Variants in DLG2 observed in about 807,000 individuals in gnomAD.
DLG2 encodes discs large MAGUK scaffold protein 2, also known as disks large homolog 2.
A neutral mutation model predicts 132.5 loss-of-function variants in DLG2; 45 were observed. The observed-to-expected ratio is 0.34, with a 90% confidence interval of 0.27 to 0.44. DLG2 has a LOEUF of 0.44. DLG2 is among the 20% of genes least tolerant of loss of function. The pLI is 1.00. For synonymous variants in DLG2, 424 were observed against 419.6 expected (o/e 1.01, Z -0.13); for missense variants, 1,045 against 1,196.9 (o/e 0.87, Z 1.87).
chr11:84,420,764 G>A (rs767538461), intron 7 of DLG2, among the ~76,000 whole-genome samples: 2 of 136,286 alleles, frequency 1.5e-5, no homozygotes, highest in South Asian at 4.9e-4. Context: ...CGCCTCCCGG[G>A]TTCACGCCAT....
At chr11:85,074,023 C>G (rs2066202718) in intron 6 of DLG2, among the ~76,000 whole-genome samples, 12 of 151,770 alleles carry the variant, frequency 7.9e-5, no homozygotes, top group Admixed American at 7.9e-4. Flanking sequence ...CAGGTTCTCA[C>G]AAGTGGGAGC....
At chr11:85,372,784 C>T (rs1189182321) in intron 3 of DLG2, among the ~76,000 whole-genome samples, 2 of 152,116 alleles carry the variant, frequency 1.3e-5, no homozygotes, top group Non-Finnish European at 2.9e-5. Flanking sequence ...GTTGCCAGAA[C>T]TCAGGAATAC....
chr11:84,007,995 C>T (rs187350059), intron 11 of DLG2, among the ~76,000 whole-genome samples: 158 of 151,832 alleles, frequency 1.0e-3, no homozygotes, highest in Non-Finnish European at 1.8e-3. Flanking sequence ...ACATCATACA[C>T]TTTAAACCAT....
At chr11:84,341,389 A>C (rs1180282511) in intron 7 of DLG2, among the ~76,000 whole-genome samples, 1 of 152,180 alleles carries the variant, frequency 6.6e-6, no homozygotes, top group Non-Finnish European at 1.5e-5. Context: ...AAGGTAATAG[A>C]CTGAAATAAA....
At chr11:84,096,708 C>A (rs895114856) in intron 10 of DLG2, among the ~76,000 whole-genome samples, 2 of 152,008 alleles carry the variant, frequency 1.3e-5, no homozygotes, top group African/African-American at 2.4e-5. Flanking sequence ...TCTTTAGGGT[C>A]CAGTGTTAGC....
intron 3 of DLG2, among the ~76,000 whole-genome samples, chr11:85,460,490 C>T (rs1313170849): frequency 6.6e-6 from 1 of 152,212 alleles, no homozygotes; most frequent in East Asian, 1.9e-4. Flanking sequence ...CTCCATGCCA[C>T]TCCTGGGTGG....
At chr11:85,581,598 C>T (rs1376804834) in intron 3 of DLG2, among the ~76,000 whole-genome samples, 1 of 152,064 alleles carries the variant, frequency 6.6e-6, no homozygotes. Context: ...AGCCTGGTGA[C>T]AGAGTGAGAC....
At chr11:85,342,119 T>C (rs1176196948) in intron 3 of DLG2, among the ~76,000 whole-genome samples, 3 of 152,340 alleles carry the variant, frequency 2.0e-5, no homozygotes, top group Admixed American at 6.5e-5. Flanking sequence ...AAATTTATAT[T>C]TAAAATACTT....
intron 11 of DLG2, among the ~76,000 whole-genome samples, chr11:84,056,064 T>A (rs1488916211): frequency 1.3e-5 from 2 of 149,732 alleles, no homozygotes; most frequent in South Asian, 4.7e-4. Flanking sequence ...ACATGTTAAG[T>A]TTTTTTTTTC....
rs1187511182 is a variant in DLG2, at chr11:83,850,154, GTGTGTGTT to G, written c.1566-16392_1566-16385del. On this transcript the variant is annotated intron_variant, in intron 16 of 27. Coordinates refer to ENST00000376104, the MANE Select transcript of DLG2 (RefSeq NM_001142699.3). ...TGTGTGTGTGTGTGTGTGTGTGTGT[GTGTGTGTT>G]TTTTTACTTGAGACGGAGTCTCACT... Among the ~76,000 whole-genome samples, 35 of 131,350 alleles carry G rather than the reference GTGTGTGTT, an allele frequency of 2.7e-4. 1 individual carries two copies. The highest frequency in any genetic ancestry group is 1.4e-3 in the South Asian group (6 of 4,248). The allele number at this position is 131,350 out of a possible 152,430, so 86.2% of individuals were successfully genotyped here. A position where few individuals can be genotyped will look rare whatever the true frequency, so the allele number is the denominator to read the frequency against.
chr11:83,463,080 C>T (rs2090338880), intron 26 of DLG2, among the ~76,000 whole-genome samples: 1 of 152,242 alleles, frequency 6.6e-6, no homozygotes, highest in South Asian at 2.1e-4. Context: ...GAACATCTGG[C>T]CTTAGTCAAT....
At chr11:85,520,085 T>C (rs2074167346) in intron 3 of DLG2, among the ~76,000 whole-genome samples, 3 of 152,042 alleles carry the variant, frequency 2.0e-5, no homozygotes, top group Admixed American at 2.0e-4. Context: ...CTCTTTATAC[T>C]GCCCAGCCTG....
At chr11:84,946,018 T>C (rs142098544) in intron 6 of DLG2, among the ~76,000 whole-genome samples, 2 of 152,034 alleles carry the variant, frequency 1.3e-5, no homozygotes, top group African/African-American at 4.8e-5. Flanking sequence ...GCAAGTACTG[T>C]CTGGCTACTT....
intron 14 of DLG2, among the ~76,000 whole-genome samples, chr11:83,937,233 C>A (rs79557781): frequency 6.6e-6 from 1 of 151,990 alleles, no homozygotes; most frequent in Non-Finnish European, 1.5e-5. Flanking sequence ...ACCAGCCGGG[C>A]GCGGTGGCTC....
chr11:85,283,546 A>G (rs2078368942), intron 4 of DLG2, among the ~76,000 whole-genome samples: 1 of 151,748 alleles, frequency 6.6e-6, no homozygotes, highest in Admixed American at 6.6e-5. Flanking sequence ...TTTCAAAGCA[A>G]TTAAGAATTC....
intron 18 of DLG2, among the ~76,000 whole-genome samples, chr11:83,744,584 T>C (rs1479928759): frequency 6.6e-6 from 1 of 152,214 alleles, no homozygotes; most frequent in Non-Finnish European, 1.5e-5. Context: ...TGATTTACAG[T>C]ATGTTCTAGA....
At chr11:84,714,617 TTCTCTTTCTC>T (rs1224289405) in intron 6 of DLG2, among the ~76,000 whole-genome samples, 1,869 of 96,094 alleles carry the variant, frequency 0.019, 70 homozygotes, top group African/African-American at 0.068. Flanking sequence ...CTCTTTCTCT[TTCTCTTTCTC>T]TCTCTCTCTC....
At chr11:84,156,537 C>T (rs1350950683) in intron 9 of DLG2, among the ~76,000 whole-genome samples, 2 of 152,196 alleles carry the variant, frequency 1.3e-5, no homozygotes, top group Non-Finnish European at 2.9e-5. Context: ...GCTCTCCCAA[C>T]AGCTGCAGAA....
chr11:84,735,733 T>C (rs532816857), intron 6 of DLG2, among the ~76,000 whole-genome samples: 1 of 152,220 alleles, frequency 6.6e-6, no homozygotes, highest in East Asian at 1.9e-4. Flanking sequence ...GATGTTAGGG[T>C]GTCAATTTGA....
Sources: allele counts gnomAD v4.1 joint callset (sites outside exome capture counted in the v4.1 genomes callset), GRCh38; gene constraint gnomAD v4.1.1; transcripts MANE v1.5; gene names NCBI Gene and HGNC (gene_info 2026-07-23, HGNC 2026-07-21).